The following ABLIM1 variants were observed in gnomAD, a reference collection of about 807,000 sequenced individuals.
ABLIM1 encodes the protein actin binding LIM protein 1, also known as actin-binding LIM protein 1.
ABLIM1 carries 40 observed loss-of-function variants against 107.0 expected under a neutral mutation model. The ratio of observed to expected loss-of-function variants is 0.37; its 90% CI spans 0.29 to 0.49. ABLIM1 has a LOEUF of 0.49. ABLIM1 is among the 20% of genes least tolerant of loss of function. The pLI, the probability that ABLIM1 is intolerant of heterozygous loss-of-function variation, is 0.97. For synonymous variants in ABLIM1, 357 were observed against 357.3 expected, an observed-to-expected ratio of 1.00 and a Z score of 0.01; for missense variants, 857 against 1,008.5, an observed-to-expected ratio of 0.85 and a Z score of 2.04.
rs145725697 is a variant in ABLIM1 at position 114,585,005 on chromosome 10, GT to G, written c.380-9407del. On this transcript the variant is annotated intron_variant, in intron 2 of 22. Coordinates refer to ENST00000533213, the MANE Select transcript of ABLIM1 (RefSeq NM_002313.7). ...ATACAGAAATAAATATTCTCACTCA[GT>G]TTTTTTTTTGCTTTCTAAGATTTGG... is the stretch of plus-strand genomic sequence containing the variant. 5.4e-5 allele frequency among the ~76,000 whole-genome samples: 8 copies of G among 148,344 alleles called. No homozygotes were observed. In the East Asian group the frequency reaches 5.9e-4, roughly 11 times the overall value.
At chr10:114,569,276 T>C (rs1180720065) in intron 4 of ABLIM1, among the ~76,000 whole-genome samples, 1 of 152,138 alleles carries the variant, frequency 6.6e-6, no homozygotes, top group Non-Finnish European at 1.5e-5. Flanking sequence ...GCTATCACCA[T>C]ATTCTGGAAC....
intron 8 of ABLIM1, among the ~76,000 whole-genome samples, chr10:114,482,976 GCTT>G (rs1354333150): frequency 6.6e-6 from 1 of 152,116 alleles, no homozygotes; most frequent in Non-Finnish European, 1.5e-5. Flanking sequence ...TGAAAAAGTG[GCTT>G]CTTGCCAAGT....
chr10:114,480,617 A>G (rs72826979), intron 8 of ABLIM1, among the ~76,000 whole-genome samples: 393 of 152,318 alleles, frequency 2.6e-3, no homozygotes, highest in Non-Finnish European at 4.6e-3. Flanking sequence ...ATAGATACAG[A>G]ATTATATATG....
chr10:114,455,353 A>C (rs924114267), intron 12 of ABLIM1, among the ~76,000 whole-genome samples: 1 of 152,212 alleles, frequency 6.6e-6, no homozygotes, highest in Non-Finnish European at 1.5e-5. Context: ...TTTAAGTCAT[A>C]TATTAGTTCC....
chr10:114,752,203 A>G (rs1365748037), intron 1 of ABLIM1, among the ~76,000 whole-genome samples: 1 of 152,068 alleles, frequency 6.6e-6, no homozygotes, highest in African/African-American at 2.4e-5. Flanking sequence ...AATAGAGGGG[A>G]CTAGGGATGG....
intron 15 of ABLIM1, among the ~76,000 whole-genome samples, chr10:114,446,632 C>A (rs898823446): frequency 6.7e-6 from 1 of 149,552 alleles, no homozygotes; most frequent in Non-Finnish European, 1.5e-5. Context: ...TCTAAAAGAG[C>A]TTTAAACTAC....
chr10:114,515,389 G>A (rs545450100), intron 6 of ABLIM1, among the ~76,000 whole-genome samples: 4 of 152,280 alleles, frequency 2.6e-5, no homozygotes, highest in African/African-American at 9.6e-5. Context: ...TTCAGGATGT[G>A]AGCTGGGGGT....
At chr10:114,667,655 A>G (rs2080081978) in intron 1 of ABLIM1, among the ~76,000 whole-genome samples, 1 of 152,242 alleles carries the variant, frequency 6.6e-6, no homozygotes, top group Admixed American at 6.5e-5. Context: ...AACTGCAGAA[A>G]GTTCCTCTGT....
chr10:114,553,906 G>A (rs2068395514), intron 4 of ABLIM1, among the ~76,000 whole-genome samples: 1 of 152,076 alleles, frequency 6.6e-6, no homozygotes, highest in Non-Finnish European at 1.5e-5. Context: ...ACATTACTGG[G>A]GGTGCATGAA....
At chr10:114,569,976 A>T (rs1426305664) in intron 4 of ABLIM1, among the ~76,000 whole-genome samples, 1 of 152,242 alleles carries the variant, frequency 6.6e-6, no homozygotes, top group Non-Finnish European at 1.5e-5. Context: ...TAGTCAGAAC[A>T]TTCTTCTTTT....
chr10:114,490,205 T>C (rs1218244954), intron 7 of ABLIM1, among the ~76,000 whole-genome samples: 1 of 152,256 alleles, frequency 6.6e-6, no homozygotes, highest in Non-Finnish European at 1.5e-5. Context: ...AAACGTGTCA[T>C]ATAAATCCCG....
rs114662709 is a variant in ABLIM1 at position 114,734,184 on chromosome 10, G to A, written c.-213+33877C>T. On this transcript the variant is annotated intron_variant, in intron 1 of 15. Transcript: ENST00000651092. ...CATGACCTTGCAACTTTAATAGCTG[G>A]ATTCAGTAACTCTAACTGGTCTTCC... 9.1e-3 allele frequency among the ~76,000 whole-genome samples: 1,384 copies of A among 152,056 alleles called. 22 individuals are homozygous for A. Among genetic ancestry groups the A allele is most frequent in the African/African-American group, 0.032 (1,333 of 41,474 alleles).
intron 1 of ABLIM1, among the ~76,000 whole-genome samples, chr10:114,718,313 G>GT (rs1476318629): frequency 2.0e-5 from 3 of 152,012 alleles, no homozygotes; most frequent in Non-Finnish European, 1.5e-5. Flanking sequence ...AAAGAGTTAA[G>GT]TGATTTACTG....
intron 4 of ABLIM1, among the ~76,000 whole-genome samples, chr10:114,568,196 CAAA>C (rs34861242): frequency 1.5e-4 from 8 of 52,392 alleles, no homozygotes; most frequent in African/African-American, 2.9e-4. Context: ...GACTCCGTCT[CAAA>C]AAAAAAAAAA....
chr10:114,534,719 GGTCA>G lies in ABLIM1; in HGVS notation c.894+10282_894+10285del, dbSNP rs1179865224. Among the ~76,000 whole-genome samples the G allele has an allele frequency of 2.0e-5, 3 of 151,934 alleles. No individual in the cohort carries two copies. The East Asian group carries it at 5.8e-4, about 29-fold the overall frequency. On this transcript the variant is annotated intron_variant, in intron 6 of 22. Coordinates refer to ENST00000533213, the MANE Select transcript of ABLIM1 (RefSeq NM_002313.7). ...TGGAAGAGTCTCACTTGACCTGCCG[GGTCA>G]GTTACTCCCCTGCTTACACATTTCA...
intron 1 of ABLIM1, among the ~76,000 whole-genome samples, chr10:114,649,735 G>A (rs966298656): frequency 3.9e-5 from 6 of 152,068 alleles, no homozygotes; most frequent in South Asian, 2.1e-4. Context: ...TGCTGACCAC[G>A]TATTCACCTT....
chr10:114,708,791 C>A (rs703347), intron 1 of ABLIM1, among the ~76,000 whole-genome samples: 92,887 of 151,960 alleles, frequency 0.61, 28,854 homozygotes, highest in Non-Finnish European at 0.68. Flanking sequence ...AACTTTGCAC[C>A]AAGCTGATCA....
intron 8 of ABLIM1, among the ~76,000 whole-genome samples, chr10:114,484,849 G>A (rs1002839819): frequency 2.6e-5 from 4 of 152,180 alleles, no homozygotes; most frequent in Non-Finnish European, 5.9e-5. Context: ...CCCAGGAAGC[G>A]ACCCTGGAAA....
chr10:114,477,010 A>G (rs912135777), intron 8 of ABLIM1, among the ~76,000 whole-genome samples: 7 of 152,166 alleles, frequency 4.6e-5, no homozygotes, highest in African/African-American at 1.7e-4. Context: ...CCTAGGAGGT[A>G]GCTTCCATTA....
Sources: allele counts gnomAD v4.1 joint callset (sites outside exome capture counted in the v4.1 genomes callset), GRCh38; gene constraint gnomAD v4.1.1; transcripts MANE v1.5; gene names NCBI Gene and HGNC (gene_info 2026-07-23, HGNC 2026-07-21).